Variants in DCDC1 observed in about 807,000 individuals in gnomAD.
DCDC1 encodes doublecortin domain containing 1, also known as doublecortin domain-containing protein 1.
A neutral mutation model predicts 178.3 loss-of-function variants in DCDC1; 200 were observed. The ratio of observed to expected loss-of-function variants is 1.12; its 90% CI spans 1.00 to 1.26. The LOEUF is 1.26. Among genes scored for constraint, DCDC1 ranks in the 50% most tolerant of loss-of-function variants. The probability of loss-of-function intolerance (pLI) is 0.00; values close to 1 mark genes in which losing one functional copy is unlikely to be tolerated. For missense variants in DCDC1, 1,983 were observed against 1,749.2 expected (o/e 1.13, Z -2.38); for synonymous variants, 690 against 604.8 (o/e 1.14, Z -2.07).
chr11:31,314,690 C>A (rs140109651), intron 3 of DCDC1: 5 of 152,234 alleles, frequency 3.3e-5, no homozygotes, highest in Non-Finnish European at 5.9e-5. Flanking sequence ...AATCTATGAT[C>A]GCTATCATTT....
chr11:31,237,350 A>G (rs1284163405), intron 9 of DCDC1, among the ~76,000 whole-genome samples: 1 of 151,926 alleles, frequency 6.6e-6, no homozygotes, highest in African/African-American at 2.4e-5. Flanking sequence ...CACAAAATAA[A>G]TCTGCAATAT....
intron 36 of DCDC1, among the ~76,000 whole-genome samples, chr11:30,888,695 C>A (rs1057467998): frequency 2.0e-5 from 3 of 152,116 alleles, no homozygotes; most frequent in African/African-American, 7.2e-5. Flanking sequence ...CCAGCCTGGG[C>A]AACAAAAGTG....
chr11:31,354,579 G>A (rs1013097412), intron 1 of DCDC1, among the ~76,000 whole-genome samples: 1 of 152,142 alleles, frequency 6.6e-6, no homozygotes, highest in Non-Finnish European at 1.5e-5. Context: ...AGCCAAACAT[G>A]CCAGATGAAC....
chr11:31,220,908 T>G (rs1053983434), intron 9 of DCDC1, among the ~76,000 whole-genome samples: 4 of 152,158 alleles, frequency 2.6e-5, no homozygotes, highest in Non-Finnish European at 4.4e-5. Context: ...CCTCACATGG[T>G]ATAAAGAGAA....
chr11:31,199,136 A>AT (rs1971015869), intron 9 of DCDC1, among the ~76,000 whole-genome samples: 1 of 152,050 alleles, frequency 6.6e-6, no homozygotes, highest in African/African-American at 2.4e-5. Flanking sequence ...TACTTAATCA[A>AT]TGATTCACAT....
chr11:31,053,846 C>A (rs1174554362), intron 20 of DCDC1, among the ~76,000 whole-genome samples: 1 of 152,154 alleles, frequency 6.6e-6, no homozygotes, highest in Non-Finnish European at 1.5e-5. Flanking sequence ...TCATCTATGA[C>A]AAACCCACAG....
At chr11:30,874,191 CT>C (rs1159521747) in intron 38 of DCDC1, among the ~76,000 whole-genome samples, 1 of 152,184 alleles carries the variant, frequency 6.6e-6, no homozygotes, top group Non-Finnish European at 1.5e-5. Context: ...CCTGGCAGGC[CT>C]AAAACTCTTG....
intron 21 of DCDC1, among the ~76,000 whole-genome samples, chr11:30,942,281 A>G (rs998827210): frequency 2.6e-5 from 4 of 152,200 alleles, no homozygotes; most frequent in Admixed American, 6.6e-5. Flanking sequence ...CATAACTTCA[A>G]TAAGTATGTT....
intron 17 of DCDC1, among the ~76,000 whole-genome samples, chr11:31,084,105 C>G (rs1258466934): frequency 6.6e-6 from 1 of 152,012 alleles, no homozygotes; most frequent in African/African-American, 2.4e-5. Context: ...GGAAAATACA[C>G]ACGAGCACTT....
At chr11:31,151,986 T>A (rs1965217865) in intron 9 of DCDC1, among the ~76,000 whole-genome samples, 1 of 152,242 alleles carries the variant, frequency 6.6e-6, no homozygotes, top group Admixed American at 6.5e-5. Context: ...AATTATGTGG[T>A]AATGGACATG....
intron 9 of DCDC1, among the ~76,000 whole-genome samples, chr11:31,160,118 A>C (rs1966160544): frequency 6.6e-6 from 1 of 152,208 alleles, no homozygotes; most frequent in African/African-American, 2.4e-5. Context: ...TTCCTTCATT[A>C]CACTGAATAT....
At chr11:31,204,429 A>G (rs1971646496) in intron 9 of DCDC1, among the ~76,000 whole-genome samples, 1 of 144,172 alleles carries the variant, frequency 6.9e-6, no homozygotes, top group Non-Finnish European at 1.5e-5. Flanking sequence ...AGATAGCCTG[A>G]AAAAAAAAAA....
At chr11:30,975,026 A>C (rs1419078838) in intron 20 of DCDC1, among the ~76,000 whole-genome samples, 1 of 152,050 alleles carries the variant, frequency 6.6e-6, no homozygotes, top group Non-Finnish European at 1.5e-5. Context: ...AACACACCAC[A>C]ATCACGTGGG....
chr11:30,990,875 C>T (rs1950937295), intron 20 of DCDC1, among the ~76,000 whole-genome samples: 1 of 152,154 alleles, frequency 6.6e-6, no homozygotes, highest in African/African-American at 2.4e-5. Context: ...CAGTAAGTAA[C>T]ATGGGTGAGA....
intron 20 of DCDC1, among the ~76,000 whole-genome samples, chr11:30,980,896 C>T (rs182225910): frequency 4.1e-4 from 62 of 152,286 alleles, no homozygotes; most frequent in African/African-American, 1.4e-3. Context: ...ATCAAAAAGA[C>T]ACCTGCACTC....
chr11:31,179,969 A>G (rs1284785266), intron 9 of DCDC1, among the ~76,000 whole-genome samples: 3 of 152,248 alleles, frequency 2.0e-5, no homozygotes, highest in African/African-American at 7.2e-5. Flanking sequence ...CCAGGAATGC[A>G]AGGGTGATTC....
chr11:31,358,071 G>C (rs1951485472), intron 1 of DCDC1, among the ~76,000 whole-genome samples: 1 of 151,112 alleles, frequency 6.6e-6, no homozygotes, highest in South Asian at 2.1e-4. Flanking sequence ...TTTCTTCACA[G>C]AATTGGAAAA....
chr11:31,140,421 G>T (rs534489242), intron 9 of DCDC1, among the ~76,000 whole-genome samples: 3 of 152,136 alleles, frequency 2.0e-5, no homozygotes, highest in Admixed American at 2.0e-4. Flanking sequence ...ATATAAGAAG[G>T]CATCTTCAAA....
At chr11:31,154,494 T>C (rs1197924901) in intron 9 of DCDC1, among the ~76,000 whole-genome samples, 1 of 152,194 alleles carries the variant, frequency 6.6e-6, no homozygotes, top group Non-Finnish European at 1.5e-5. Flanking sequence ...TGGTGTCTCT[T>C]ACATGTTGAT....
Sources: allele counts gnomAD v4.1 joint callset (sites outside exome capture counted in the v4.1 genomes callset), GRCh38; gene constraint gnomAD v4.1.1; transcripts MANE v1.5; gene names NCBI Gene and HGNC (gene_info 2026-07-23, HGNC 2026-07-21).